C6: variants seen among roughly 807,000 people sequenced by gnomAD.
The protein encoded by C6 is complement component C6.
Under a neutral mutation model 112.9 loss-of-function variants are expected in C6, and 101 were observed. That is an observed-to-expected ratio of 0.89 (90% CI 0.76 to 1.06). The LOEUF (loss-of-function observed/expected upper bound fraction) is 1.06. Ranked by LOEUF, C6 falls within the 50% of genes least tolerant of loss-of-function variation. C6 has a pLI of 0.00. For synonymous variants in C6, 431 were observed against 384.1 expected, an observed-to-expected ratio of 1.12 and a Z score of -1.43; for missense variants, 1,202 against 1,104.6, an observed-to-expected ratio of 1.09 and a Z score of -1.25.
At chr5:41,155,626 G>T (rs894087154) in intron 13 of C6, among the ~76,000 whole-genome samples, 1 of 152,170 alleles carries the variant, frequency 6.6e-6, no homozygotes, top group Admixed American at 6.5e-5. Flanking sequence ...CTACTTGGGA[G>T]GCTGAAGTGG....
intron 17 of C6, 120 bp from the exon 18 acceptor site, chr5:41,143,126 C>T (rs1273756379): frequency 7.0e-6 from 6 of 856,094 alleles, no homozygotes; most frequent in Non-Finnish European, 1.1e-5. Flanking sequence ...TGGTCTAAAG[C>T]TTTCTCTAAT....
At chr5:41,215,039 G>A (rs1031229721), upstream of C6, among the ~76,000 whole-genome samples, 1 of 152,124 alleles carries the variant, frequency 6.6e-6, no homozygotes, top group Non-Finnish European at 1.5e-5. Flanking sequence ...ATGTATTTGG[G>A]TTCTCCATCT....
exon 1 of C6, chr5:41,261,387 A>G: frequency 5.5e-6 from 1 of 181,728 alleles, no homozygotes; most frequent in Middle Eastern, 2.8e-3. Context: ...ATAAAATTTA[A>G]TGAATGTTAT....
intron 1 of C6, among the ~76,000 whole-genome samples, chr5:41,243,712 C>A (rs1740865129): frequency 6.6e-6 from 1 of 152,186 alleles, no homozygotes; most frequent in South Asian, 2.1e-4. Flanking sequence ...GAAATCTCTG[C>A]TACTCTCTGC....
intron 4 of C6, among the ~76,000 whole-genome samples, chr5:41,199,025 G>A (rs1750813462): frequency 6.6e-6 from 1 of 152,108 alleles, no homozygotes; most frequent in East Asian, 1.9e-4. Context: ...AGGTGGATAG[G>A]GGAAAACCCT....
intron 6 of C6, among the ~76,000 whole-genome samples, chr5:41,184,094 C>A (rs1302199902): frequency 6.6e-6 from 1 of 150,592 alleles, no homozygotes; most frequent in Non-Finnish European, 1.5e-5. Context: ...AGCCAGGTGA[C>A]AAACTCGCAT....
intron 1 of C6, among the ~76,000 whole-genome samples, chr5:41,231,531 T>C (rs1355633383): frequency 2.6e-5 from 4 of 152,142 alleles, no homozygotes. Context: ...GTAATCATAA[T>C]ACATGTAATA....
chr5:41,148,232 A>T (rs1267634592), intron 17 of C6, among the ~76,000 whole-genome samples: 3 of 152,206 alleles, frequency 2.0e-5, no homozygotes, highest in Admixed American at 1.3e-4. Flanking sequence ...TGGTTAAATA[A>T]ATCATAGAAT....
At chr5:41,161,221 T>C (rs1309873271) in intron 10 of C6, among the ~76,000 whole-genome samples, 4 of 152,154 alleles carry the variant, frequency 2.6e-5, no homozygotes, top group African/African-American at 9.7e-5. Context: ...AAATAATAAA[T>C]ATCACCTTTT....
intron 7 of C6, 35 bp from the exon 8 acceptor site, chr5:41,176,750 G>A (rs772480044): frequency 3.1e-6 from 5 of 1,587,928 alleles, no homozygotes; most frequent in Non-Finnish European, 3.4e-6. Context: ...GATGATTAAA[G>A]GTAATGAAAG....
chr5:41,198,857 C>G (rs1750800012), intron 4 of C6, among the ~76,000 whole-genome samples: 1 of 152,110 alleles, frequency 6.6e-6, no homozygotes, highest in African/African-American at 2.4e-5. Context: ...TTTTGATACT[C>G]TGGATATAAT....
At chr5:41,209,756 A>C (rs895190541) in intron 1 of C6, among the ~76,000 whole-genome samples, 10 of 152,254 alleles carry the variant, frequency 6.6e-5, no homozygotes, top group Non-Finnish European at 2.9e-5. Flanking sequence ...GCTCATGTGT[A>C]GGAAGAATCA....
At chr5:41,182,035 A>T (rs2150324589) in intron 6 of C6, among the ~76,000 whole-genome samples, 1 of 152,262 alleles carries the variant, frequency 6.6e-6, no homozygotes, top group East Asian at 1.9e-4. Context: ...TGACTTCGGG[A>T]TCACAGTTTC....
intron 1 of C6, among the ~76,000 whole-genome samples, chr5:41,220,893 T>G (rs1739124636): frequency 6.6e-6 from 1 of 152,114 alleles, no homozygotes. Context: ...TGTCTATTGC[T>G]CTCATCTTTA....
At chr5:41,172,794 C>A (rs1748538868) in intron 8 of C6, 2 of 185,014 alleles carry the variant, frequency 1.1e-5, no homozygotes, top group South Asian at 2.3e-4. Flanking sequence ...ACTTTCCGGG[C>A]CACTGCTGAT....
chr5:41,153,931 T>G lies in C6; in HGVS notation c.2169A>C (p.Arg723Ser). The change falls in exon 15 of 18, where the codon AGA becomes AGC. Residue 723 changes from arginine to serine, a missense_variant. Coordinates refer to ENST00000337836, the MANE Select transcript of C6 (RefSeq NM_000065.5). The stretch of plus-strand genomic sequence containing the variant: ...AAGTTAGCTCAATGGATTCACCAAT[T>G]CTATACAATCTCTGAAATGGTGTAA... ...LTITPFQRLY[R>S]IGESIELTCP... 1 of 1,613,804 alleles carries G rather than the reference T, an allele frequency of 6.2e-7. No individual in the cohort carries two copies. Among genetic ancestry groups the G allele is most frequent in the Non-Finnish European group, 8.5e-7 (1 of 1,179,790 alleles).
In C6 at chr5:41,142,689, C is replaced by CA; in HGVS notation, c.*135dup. On this transcript the variant is annotated 3_prime_UTR_variant, in exon 18 of 18. Coordinates refer to ENST00000337836, the MANE Select transcript of C6 (RefSeq NM_000065.5). Reference sequence around the variant, plus strand: ...GAGAGTCAGGGGAGAATAATGATCTCAAACTAACAGAAAATAATTTTTGTC... The same window carrying CA: ...GAGAGTCAGGGGAGAATAATGATCTCAAAACTAACAGAAAATAATTTTTGTC... The CA allele has an allele frequency of 2.7e-6, 2 of 744,050 alleles. No homozygotes were observed. The highest frequency in any genetic ancestry group is 1.5e-5 in the South Asian group (1 of 67,370). The allele number at this position is 744,050 out of a possible 1,614,324, so 46.1% of individuals were successfully genotyped here. A position where few individuals can be genotyped will look rare whatever the true frequency, so the allele number is the denominator to read the frequency against.
intron 1 of C6, among the ~76,000 whole-genome samples, chr5:41,205,173 C>A (rs1751336681): frequency 6.6e-6 from 1 of 152,128 alleles, no homozygotes; most frequent in Non-Finnish European, 1.5e-5. Flanking sequence ...ATGCTTTTTA[C>A]CCAAGCTTTT....
chr5:41,208,979 A>G (rs555499790), intron 1 of C6, among the ~76,000 whole-genome samples: 151 of 152,318 alleles, frequency 9.9e-4, no homozygotes, highest in African/African-American at 3.5e-3. Context: ...TCAATAAAAT[A>G]CTGGCAAACT....
Sources: gnomAD v4.1 joint callset for allele counts (sites outside exome capture counted in the v4.1 genomes callset) on GRCh38, gnomAD v4.1.1 for gene constraint, MANE v1.5 for transcripts, NCBI Gene and HGNC (gene_info 2026-07-23, HGNC 2026-07-21) for gene names.